Variants in PREX2 observed in about 807,000 individuals in gnomAD.
PREX2 encodes phosphatidylinositol-3,4,5-trisphosphate dependent Rac exchange factor 2.
PREX2 carries 107 observed loss-of-function variants against 203.2 expected under a neutral mutation model. That is an observed-to-expected ratio of 0.53 (90% confidence interval 0.45 to 0.62). PREX2 has a LOEUF of 0.62. PREX2 is among the 20% of genes least tolerant of loss of function. The pLI is 0.00. For missense variants in PREX2, 1,777 were observed against 1,955.9 expected (o/e 0.91, Z 1.72); for synonymous variants, 672 against 663.6 (o/e 1.01, Z -0.19).
rs367860419 is a variant in PREX2 at position 67,952,391 on chromosome 8, G to T, written c.-4G>T. On this transcript the variant is annotated 5_prime_UTR_variant, in exon 1 of 40. Transcript: ENST00000288368. ...CAGCGCCGCGCTGCGCACCGCCGCC[G>T]ACCATGAGCGAGGACAGCCGCGGAG... The T allele has an allele frequency of 6.5e-7, 1 of 1,539,974 alleles. No individual in the cohort carries two copies. The highest frequency in any genetic ancestry group is 1.4e-5 in the African/African-American group (1 of 70,956).
chr8:68,071,554 T>C (rs1422203452), intron 13 of PREX2, among the ~76,000 whole-genome samples: 1 of 152,202 alleles, frequency 6.6e-6, no homozygotes, highest in African/African-American at 2.4e-5. Flanking sequence ...TTTTCATTTT[T>C]TTATGATCCA....
At chr8:68,194,917 A>G (rs1812366941) in intron 37 of PREX2, among the ~76,000 whole-genome samples, 2 of 138,114 alleles carry the variant, frequency 1.4e-5, no homozygotes, top group Non-Finnish European at 3.3e-5. Flanking sequence ...AGTGTGTTCA[A>G]GCAACAACAA....
intron 7 of PREX2, among the ~76,000 whole-genome samples, chr8:68,044,074 CA>C (rs1265953542): frequency 6.6e-6 from 1 of 151,928 alleles, no homozygotes; most frequent in African/African-American, 2.4e-5. Flanking sequence ...GAAGAGGGAT[CA>C]TAAGTAATAA....
rs1289587257 is a variant in PREX2 at position 68,030,477 on chromosome 8, G to GT, written c.544-13dup. ...AAAGCTGAAGATCAAAGGGCGATTT[G>GT]TTTTTTTGTGTATAAACAGGAGTTG... On this transcript the variant is annotated intron_variant, in intron 5 of 39. Transcript: ENST00000288368. 3.7e-6 allele frequency: 6 copies of GT among 1,609,456 alleles called. No individual in the cohort carries two copies. Among genetic ancestry groups the GT allele is most frequent in the East Asian group, 2.2e-5 (1 of 44,762 alleles).
At chr8:68,118,860 C>A in intron 27 of PREX2, 1 of 685,480 alleles carries the variant, frequency 1.5e-6, no homozygotes, top group Admixed American at 1.8e-5. Flanking sequence ...ATGAAATAAG[C>A]AAACTAATTG....
chr8:68,060,415 T>A (rs1346950409), intron 10 of PREX2, among the ~76,000 whole-genome samples: 1 of 152,260 alleles, frequency 6.6e-6, no homozygotes, highest in Non-Finnish European at 1.5e-5. Flanking sequence ...TTGTGTTTAT[T>A]AGAGGCCTCA....
intron 35 of PREX2, among the ~76,000 whole-genome samples, chr8:68,163,439 G>T (rs1811692013): frequency 6.6e-6 from 1 of 152,132 alleles, no homozygotes; most frequent in African/African-American, 2.4e-5. Context: ...GGTTAAAAAT[G>T]AATTTCAAGG....
intron 35 of PREX2, among the ~76,000 whole-genome samples, chr8:68,161,106 TG>T (rs35964371): frequency 4.7e-4 from 71 of 150,162 alleles, no homozygotes; most frequent in Admixed American, 1.1e-3. Flanking sequence ...TCTTTTTTTT[TG>T]GGGGGGGGAC....
chr8:68,010,733 G>A (rs1023636667), intron 1 of PREX2, among the ~76,000 whole-genome samples: 3 of 152,194 alleles, frequency 2.0e-5, no homozygotes. Context: ...GAGACATCCT[G>A]TATCTGTATG....
At chr8:68,226,443 G>C (rs987612835) in intron 39 of PREX2, among the ~76,000 whole-genome samples, 3 of 152,162 alleles carry the variant, frequency 2.0e-5, no homozygotes, top group Non-Finnish European at 4.4e-5. Context: ...CAAAGACAGT[G>C]AGTTGAAGAA....
intron 11 of PREX2, among the ~76,000 whole-genome samples, chr8:68,063,312 T>C (rs1808913987): frequency 6.6e-6 from 1 of 152,136 alleles, no homozygotes; most frequent in South Asian, 2.1e-4. Flanking sequence ...TACATGGCAT[T>C]TCTTAGTTTT....
At chr8:68,050,234 G>A (rs144166010) in intron 8 of PREX2, among the ~76,000 whole-genome samples, 26 of 152,222 alleles carry the variant, frequency 1.7e-4, no homozygotes, top group African/African-American at 6.0e-4. Flanking sequence ...GACAGTGGAG[G>A]TATTAGTCCA....
At position 68,156,235 on chromosome 8, in the gene PREX2, A is replaced by T. The variant is rs189217723; in HGVS notation, c.4232-1087A>T. Among the ~76,000 whole-genome samples, 1,095 of 152,022 alleles carry T rather than the reference A, an allele frequency of 7.2e-3. 6 individuals are homozygous for T. Among genetic ancestry groups the T allele is most frequent in the African/African-American group, 0.025 (1,035 of 41,476 alleles). ...GCCACCATGCCAGGCTAATTTTTTAACTTTGTTTTTTTAGAGACAGGGTCT... is the reference window on the plus strand; with the variant it reads ...GCCACCATGCCAGGCTAATTTTTTATCTTTGTTTTTTTAGAGACAGGGTCT... On this transcript the variant is annotated intron_variant, in intron 34 of 39. Coordinates refer to ENST00000288368, the MANE Select transcript of PREX2 (RefSeq NM_024870.4).
chr8:68,163,085 G>C (rs1395250704), intron 35 of PREX2, among the ~76,000 whole-genome samples: 1 of 152,084 alleles, frequency 6.6e-6, no homozygotes, highest in East Asian at 1.9e-4. Context: ...ATTTGGTCTA[G>C]TTATTTAATT....
chr8:68,219,297 G>A, intron 38 of PREX2, among the ~76,000 whole-genome samples: 1 of 143,780 alleles, frequency 7.0e-6, no homozygotes, highest in Admixed American at 8.2e-5. Context: ...AGTGGAAATA[G>A]AGAAAATAGA....
At chr8:68,171,873 G>T (rs1811884376) in intron 35 of PREX2, among the ~76,000 whole-genome samples, 1 of 152,106 alleles carries the variant, frequency 6.6e-6, no homozygotes, top group Non-Finnish European at 1.5e-5. Context: ...GAATGCCTTT[G>T]TCCTTAAATT....
At chr8:67,988,407 C>T (rs1806498728) in intron 1 of PREX2, among the ~76,000 whole-genome samples, 1 of 152,222 alleles carries the variant, frequency 6.6e-6, no homozygotes, top group South Asian at 2.1e-4. Flanking sequence ...ATGCATCCAT[C>T]ACTTTACTTA....
At chr8:68,092,317 G>A (rs1809901032) in intron 20 of PREX2, among the ~76,000 whole-genome samples, 1 of 152,158 alleles carries the variant, frequency 6.6e-6, no homozygotes, top group Non-Finnish European at 1.5e-5. Flanking sequence ...GCACCAAGAT[G>A]TAATGGAATG....
chr8:68,148,898 G>C (rs1413478084), intron 34 of PREX2, among the ~76,000 whole-genome samples: 4 of 152,142 alleles, frequency 2.6e-5, no homozygotes, highest in Non-Finnish European at 4.4e-5. Context: ...TAGTAGCTTA[G>C]TATTCATAGA....
Sources: gnomAD v4.1 joint callset for allele counts (sites outside exome capture counted in the v4.1 genomes callset) on GRCh38, gnomAD v4.1.1 for gene constraint, MANE v1.5 for transcripts, NCBI Gene and HGNC (gene_info 2026-07-23, HGNC 2026-07-21) for gene names.